Variants in NXPH1 observed in about 807,000 individuals in gnomAD.
The protein encoded by NXPH1 is neurexophilin-1.
In NXPH1, 5 loss-of-function variants were observed where a neutral mutation model predicts 23.7. The observed-to-expected ratio is 0.21, with a 90% CI of 0.11 to 0.44. The LOEUF (loss-of-function observed/expected upper bound fraction) is 0.44. Ranked by LOEUF, NXPH1 falls within the 20% of genes least tolerant of loss-of-function variation. NXPH1 has a pLI of 0.99. For missense variants in NXPH1, 324 were observed against 321.6 expected, an observed-to-expected ratio of 1.01 and a Z score of -0.06; for synonymous variants, 144 against 122.2, an observed-to-expected ratio of 1.18 and a Z score of -1.18.
intron 2 of NXPH1, among the ~76,000 whole-genome samples, chr7:8,716,286 G>A (rs1270212316): frequency 1.3e-5 from 2 of 152,066 alleles, no homozygotes; most frequent in African/African-American, 4.8e-5. Context: ...CTTTAAGGTG[G>A]CCCTGACTAT....
At chr7:8,597,550 G>GT (rs1374696189) in intron 2 of NXPH1, among the ~76,000 whole-genome samples, 1 of 152,022 alleles carries the variant, frequency 6.6e-6, no homozygotes, top group Non-Finnish European at 1.5e-5. Context: ...ATGTACATTT[G>GT]TATGGGGACA....
chr7:8,656,632 C>T (rs1045934410), intron 2 of NXPH1, among the ~76,000 whole-genome samples: 4 of 150,718 alleles, frequency 2.7e-5, no homozygotes, highest in African/African-American at 4.9e-5. Flanking sequence ...CATGCTGGTG[C>T]GCTGCACCCA....
chr7:8,728,472 G>C (rs1374782270), intron 2 of NXPH1, among the ~76,000 whole-genome samples: 1 of 152,108 alleles, frequency 6.6e-6, no homozygotes, highest in African/African-American at 2.4e-5. Flanking sequence ...ATTGGCTGTG[G>C]GTTTGTCATA....
At chr7:8,608,099 C>T (rs115615168) in intron 2 of NXPH1, among the ~76,000 whole-genome samples, 46 of 152,240 alleles carry the variant, frequency 3.0e-4, no homozygotes, top group African/African-American at 9.4e-4. Flanking sequence ...TTGGCTTCTA[C>T]CCTCTGGAAC....
intron 2 of NXPH1, among the ~76,000 whole-genome samples, chr7:8,700,461 T>C (rs946687329): frequency 2.6e-5 from 4 of 152,156 alleles, no homozygotes; most frequent in African/African-American, 9.6e-5. Context: ...ATTACTTTTA[T>C]AAGTTCTGTC....
chr7:8,609,189 T>C (rs1345384113), intron 2 of NXPH1, among the ~76,000 whole-genome samples: 2 of 152,224 alleles, frequency 1.3e-5, no homozygotes, highest in African/African-American at 4.8e-5. Context: ...AGATGGTTAA[T>C]GTCTGCTAGC....
At chr7:8,490,839 G>A (rs537850146) in intron 2 of NXPH1, among the ~76,000 whole-genome samples, 2 of 152,054 alleles carry the variant, frequency 1.3e-5, no homozygotes, top group South Asian at 4.2e-4. Context: ...GGTCTTTAAT[G>A]TTTTACCAAA....
At chr7:8,715,075 G>A (rs893670878) in intron 2 of NXPH1, among the ~76,000 whole-genome samples, 3 of 152,150 alleles carry the variant, frequency 2.0e-5, no homozygotes, top group African/African-American at 4.8e-5. Flanking sequence ...GGATCCCAGA[G>A]CACTTTAGTC....
At chr7:8,655,502 GCA>G (rs1275205107) in intron 2 of NXPH1, among the ~76,000 whole-genome samples, 1 of 11,648 alleles carries the variant, frequency 8.6e-5, no homozygotes, top group Non-Finnish European at 2.7e-4. Context: ...TCCATCACAC[GCA>G]CACACACACA....
At chr7:8,689,978 T>A (rs1821200807) in intron 2 of NXPH1, among the ~76,000 whole-genome samples, 1 of 152,210 alleles carries the variant, frequency 6.6e-6, no homozygotes, top group South Asian at 2.1e-4. Context: ...GTTACCTTAC[T>A]AAGACCATAA....
intron 2 of NXPH1, among the ~76,000 whole-genome samples, chr7:8,489,967 A>G (rs572560266): frequency 5.9e-5 from 9 of 152,196 alleles, no homozygotes; most frequent in African/African-American, 2.2e-4. Flanking sequence ...TATTGAGCCT[A>G]TGTCTTGGTC....
intron 2 of NXPH1, among the ~76,000 whole-genome samples, chr7:8,738,570 G>T (rs1228212357): frequency 6.6e-6 from 1 of 152,160 alleles, no homozygotes; most frequent in African/African-American, 2.4e-5. Flanking sequence ...CCCCTGCTTG[G>T]GGGTATCTCC....
At chr7:8,515,696 A>G (rs1179984742) in intron 2 of NXPH1, among the ~76,000 whole-genome samples, 1 of 152,168 alleles carries the variant, frequency 6.6e-6, no homozygotes, top group Non-Finnish European at 1.5e-5. Context: ...ATAAATTTGG[A>G]ATCATTGTTG....
chr7:8,726,328 T>C (rs988854175), intron 2 of NXPH1, among the ~76,000 whole-genome samples: 6 of 151,342 alleles, frequency 4.0e-5, no homozygotes, highest in African/African-American at 1.5e-4. Context: ...TTTTTGTTTG[T>C]TTTTTTTAAA....
At chr7:8,512,081 G>A (rs1057005978) in intron 2 of NXPH1, among the ~76,000 whole-genome samples, 1 of 152,124 alleles carries the variant, frequency 6.6e-6, no homozygotes, top group African/African-American at 2.4e-5. Flanking sequence ...CCCCCTGAGT[G>A]TCCAAATGAG....
intron 2 of NXPH1, among the ~76,000 whole-genome samples, chr7:8,690,734 A>G (rs1293321219): frequency 6.6e-6 from 1 of 152,220 alleles, no homozygotes; most frequent in African/African-American, 2.4e-5. Flanking sequence ...AAACTTGAGA[A>G]ATAAACAATC....
At chr7:8,545,871 C>T (rs2128619002) in intron 2 of NXPH1, among the ~76,000 whole-genome samples, 1 of 151,502 alleles carries the variant, frequency 6.6e-6, no homozygotes, top group Admixed American at 6.6e-5. Flanking sequence ...AGCTTATGGC[C>T]AAATGGTCTG....
intron 2 of NXPH1, among the ~76,000 whole-genome samples, chr7:8,597,328 G>A (rs10231091): frequency 0.11 from 16,717 of 151,974 alleles, 3,031 homozygotes; most frequent in African/African-American, 0.38. Flanking sequence ...GGACAGACGT[G>A]GTGGCTGGGA....
intron 2 of NXPH1, among the ~76,000 whole-genome samples, chr7:8,664,007 T>C (rs181816646): frequency 6.6e-6 from 1 of 152,238 alleles, no homozygotes; most frequent in East Asian, 1.9e-4. Flanking sequence ...TTTCTTCTCT[T>C]TGTCTCCCAT....
Sources: gnomAD v4.1 joint callset for allele counts (sites outside exome capture counted in the v4.1 genomes callset) on GRCh38, gnomAD v4.1.1 for gene constraint, MANE v1.5 for transcripts, NCBI Gene and HGNC (gene_info 2026-07-23, HGNC 2026-07-21) for gene names.